The following SLC8A1 variants were observed in gnomAD, a reference collection of about 807,000 sequenced individuals.
SLC8A1 encodes the protein sodium/calcium exchanger 1.
SLC8A1 carries 18 observed loss-of-function variants against 68.3 expected under a neutral mutation model. The observed-to-expected ratio is 0.26, with a 90% CI of 0.18 to 0.39. SLC8A1 has a LOEUF of 0.39. SLC8A1 is among the 10% of genes least tolerant of loss of function. SLC8A1 has a pLI of 1.00. For synonymous variants in SLC8A1, 475 were observed against 415.5 expected (o/e 1.14, Z -1.74); for missense variants, 985 against 1,156.7 (o/e 0.85, Z 2.15).
At chr2:40,434,686 T>C (rs1489195247) in intron 1 of SLC8A1, among the ~76,000 whole-genome samples, 1 of 152,180 alleles carries the variant, frequency 6.6e-6, no homozygotes, top group Non-Finnish European at 1.5e-5. Flanking sequence ...ACTTAAAATA[T>C]CCATTACATC....
chr2:40,224,232 A>G (rs906209311), intron 2 of SLC8A1, among the ~76,000 whole-genome samples: 16 of 152,106 alleles, frequency 1.1e-4, no homozygotes, highest in African/African-American at 3.6e-4. Context: ...GAGGCTGTCT[A>G]GTATGGGTTG....
rs1432335280 is a variant in SLC8A1 at position 40,284,375 on chromosome 2, G to T, written c.1809-106520C>A. On this transcript the variant is annotated intron_variant, in intron 2 of 7. Transcript: ENST00000406785. ...TATATAGATATATACATATATTTAT[G>T]TATGATATATGATATATACATACAC... Among the ~76,000 whole-genome samples, 3 of 145,702 alleles carry T rather than the reference G, an allele frequency of 2.1e-5. No homozygotes were observed. The Admixed American group carries it at 2.1e-4, about 10-fold the overall frequency.
rs532384959 is a variant in SLC8A1, at chr2:40,436,639, C to T, written c.-24-6335G>A. ...TACTCAAGGAAGTACATCTTCCCAT[C>T]CTTCCAATACAATTAAAAGACACAT... is the stretch of plus-strand genomic sequence containing the variant. On this transcript the variant is annotated intron_variant, in intron 1 of 7. Transcript: ENST00000406785. Among the ~76,000 whole-genome samples, 9 of 152,172 alleles carry T rather than the reference C, an allele frequency of 5.9e-5. No individual in the cohort carries two copies. The East Asian group carries it at 1.5e-3, about 26-fold the overall frequency.
intron 2 of SLC8A1, among the ~76,000 whole-genome samples, chr2:40,423,392 T>C (rs1428522572): frequency 6.6e-6 from 1 of 152,122 alleles, no homozygotes; most frequent in African/African-American, 2.4e-5. Flanking sequence ...TCTCCCATTT[T>C]AGAGTATAAG....
chr2:40,158,335 C>T (rs1291999889), intron 6 of SLC8A1, among the ~76,000 whole-genome samples: 7 of 152,172 alleles, frequency 4.6e-5, no homozygotes, highest in African/African-American at 1.7e-4. Context: ...ACTTTTGAAA[C>T]TGCCCTTCAT....
chr2:40,099,821 G>A (rs919232421), exon 8 of SLC8A1: 1 of 152,032 alleles, frequency 6.6e-6, no homozygotes, highest in African/African-American at 2.4e-5. Flanking sequence ...TCAAAGGCAA[G>A]AGAAGTCCTA....
In SLC8A1 at chr2:40,385,858, TAAA is replaced by T. The variant is rs370863990; in HGVS notation, c.1808+42612_1808+42614del. Among the ~76,000 whole-genome samples the T allele has an allele frequency of 6.3e-4, 95 of 151,102 alleles. No individual in the cohort carries two copies. The East Asian group carries it at 0.016, about 25-fold the overall frequency. ...TCCTGGAAATTATAAAATGTCCAAA[TAAA>T]AAAAAGTACACAAAATGATAATCCA... On this transcript the variant is annotated intron_variant, in intron 2 of 7. Coordinates refer to ENST00000406785, the Ensembl canonical transcript of SLC8A1.
intron 2 of SLC8A1, among the ~76,000 whole-genome samples, chr2:40,302,061 G>GTGTGTGTGTGTA (rs966543565): frequency 6.7e-6 from 1 of 150,152 alleles, no homozygotes; most frequent in African/African-American, 2.5e-5. Context: ...GTGTGTGTGT[G>GTGTGTGTGTGTA]TGTGTGTGTG....
At chr2:40,199,131 T>G (rs879906500) in intron 2 of SLC8A1, among the ~76,000 whole-genome samples, 1 of 151,858 alleles carries the variant, frequency 6.6e-6, no homozygotes, top group Non-Finnish European at 1.5e-5. Flanking sequence ...CATTTCAAAG[T>G]GAAGCTAAAA....
chr2:40,189,890 A>T (rs947377485), intron 2 of SLC8A1: 3 of 152,148 alleles, frequency 2.0e-5, no homozygotes, highest in African/African-American at 7.2e-5. Flanking sequence ...GTAGAAGGTA[A>T]CGTTCCCCAT....
At chr2:40,210,532 A>G (rs1286306333) in intron 2 of SLC8A1, among the ~76,000 whole-genome samples, 1 of 152,194 alleles carries the variant, frequency 6.6e-6, no homozygotes, top group Admixed American at 6.5e-5. Context: ...GTTAGTCACT[A>G]CTGAATGTAG....
chr2:40,199,178 G>A (rs942795311), intron 2 of SLC8A1, among the ~76,000 whole-genome samples: 3 of 151,810 alleles, frequency 2.0e-5, no homozygotes, highest in Non-Finnish European at 4.4e-5. Flanking sequence ...TTTAGAGTAT[G>A]TGATGGGGCC....
chr2:40,394,442 AGT>A (rs376894379), intron 2 of SLC8A1, among the ~76,000 whole-genome samples: 14 of 151,058 alleles, frequency 9.3e-5, no homozygotes, highest in African/African-American at 2.9e-4. Context: ...TTTTTCTGTT[AGT>A]GTGTGTGTGT....
intron 2 of SLC8A1, among the ~76,000 whole-genome samples, chr2:40,232,529 T>C (rs1214888345): frequency 5.3e-5 from 8 of 151,622 alleles, no homozygotes; most frequent in African/African-American, 1.9e-4. Flanking sequence ...TAACCTTACA[T>C]CCTCACATTG....
chr2:40,223,699 T>A (rs1574302771), intron 2 of SLC8A1: 1 of 152,190 alleles, frequency 6.6e-6, no homozygotes, highest in Non-Finnish European at 1.5e-5. Flanking sequence ...TTGAAAACTA[T>A]GTCACAATAT....
chr2:40,455,741 T>G (rs2149887994), upstream of SLC8A1, among the ~76,000 whole-genome samples: 1 of 152,350 alleles, frequency 6.6e-6, no homozygotes, highest in Middle Eastern at 3.4e-3. Flanking sequence ...CTAAGTGCTG[T>G]TGTTCCTCTT....
intron 2 of SLC8A1, among the ~76,000 whole-genome samples, chr2:40,361,487 T>C (rs531140731): frequency 4.8e-4 from 73 of 151,590 alleles, no homozygotes; most frequent in Non-Finnish European, 7.8e-4. Context: ...TGTTTTGGAA[T>C]AGTCTTAATA....
intron 2 of SLC8A1, among the ~76,000 whole-genome samples, chr2:40,296,555 C>T (rs1209217494): frequency 6.6e-6 from 1 of 152,080 alleles, no homozygotes; most frequent in Admixed American, 6.6e-5. Flanking sequence ...GTACAATTTT[C>T]CTAAATCCTA....
intron 2 of SLC8A1, chr2:40,254,832 A>AATTGTAATTTTG (rs2063620809): frequency 6.6e-6 from 1 of 152,228 alleles, no homozygotes; most frequent in Non-Finnish European, 1.5e-5. Flanking sequence ...TTGAGCACTC[A>AATTGTAATTTTG]CACTGTGCAA....
Sources: gnomAD v4.1 joint callset for allele counts (sites outside exome capture counted in the v4.1 genomes callset) on GRCh38, gnomAD v4.1.1 for gene constraint, MANE v1.5 for transcripts, NCBI Gene and HGNC (gene_info 2026-07-23, HGNC 2026-07-21) for gene names.